The following SPOCK1 variants were observed in gnomAD, a reference collection of about 807,000 sequenced individuals.
The protein encoded by SPOCK1 is testican-1.
In SPOCK1, 23 loss-of-function variants were observed where a neutral mutation model predicts 55.3. The observed-to-expected ratio is 0.42, with a 90% CI of 0.30 to 0.59. The LOEUF is 0.59. Among genes scored for constraint, SPOCK1 ranks in the 20% least tolerant of loss-of-function variants. The probability of loss-of-function intolerance (pLI) is 0.22; values close to 1 mark genes in which losing one functional copy is unlikely to be tolerated. For missense variants in SPOCK1, 499 were observed against 552.5 expected (o/e 0.90, Z 0.97); for synonymous variants, 226 against 221.0 (o/e 1.02, Z -0.20).
At chr5:137,424,906 C>T (rs866327300) in intron 2 of SPOCK1, among the ~76,000 whole-genome samples, 3 of 152,120 alleles carry the variant, frequency 2.0e-5, no homozygotes, top group Non-Finnish European at 2.9e-5. Flanking sequence ...TATTTACATG[C>T]GTGAATACAT....
intron 3 of SPOCK1, among the ~76,000 whole-genome samples, chr5:137,249,915 T>C (rs969362692): frequency 6.6e-6 from 1 of 152,168 alleles, no homozygotes; most frequent in African/African-American, 2.4e-5. Context: ...ATGTGCGGCA[T>C]AGTATAGCAG....
chr5:137,194,487 A>C (rs1755259535), intron 3 of SPOCK1, among the ~76,000 whole-genome samples: 1 of 152,150 alleles, frequency 6.6e-6, no homozygotes. Flanking sequence ...GAAAGTGCCA[A>C]GAGCTGAGGG....
chr5:137,116,774 A>G (rs1753591702), intron 4 of SPOCK1, among the ~76,000 whole-genome samples: 3 of 151,994 alleles, frequency 2.0e-5, no homozygotes, highest in Non-Finnish European at 2.9e-5. Flanking sequence ...CAACACACAC[A>G]TGCACACTGA....
At chr5:137,245,776 CAAAAAAAAAACA>C (rs1409320126) in intron 3 of SPOCK1, among the ~76,000 whole-genome samples, 3 of 140,912 alleles carry the variant, frequency 2.1e-5, no homozygotes, top group African/African-American at 7.6e-5. Context: ...CAAAACAAAA[CAAAAAAAAAACA>C]AAAAAAAAAA....
At chr5:137,479,370 C>T (rs546659027) in intron 2 of SPOCK1, among the ~76,000 whole-genome samples, 4 of 152,298 alleles carry the variant, frequency 2.6e-5, no homozygotes, top group African/African-American at 9.6e-5. Context: ...CATATCCATC[C>T]GTCCATGAGG....
In SPOCK1 at chr5:137,067,906, T is replaced by TG. The variant is rs538365920; in HGVS notation, c.475-78dup. 1,849 of 1,199,508 alleles carry TG rather than the reference T, an allele frequency of 1.5e-3. 7 individuals are homozygous for TG. The highest frequency in any genetic ancestry group is 5.2e-3 in the Admixed American group (292 of 56,518). The allele number at this position is 1,199,508 out of a possible 1,614,324, so 74.3% of individuals were successfully genotyped here. A position where few individuals can be genotyped will look rare whatever the true frequency, so the allele number is the denominator to read the frequency against. On this transcript the variant is annotated intron_variant, in intron 5 of 10. Transcript: ENST00000394945. ...TACCCCGCCTCCTAAGAAACAGCAG[T>TG]GCCCTTTGCTTCACAAAAGCAAAGA...
intron 5 of SPOCK1, among the ~76,000 whole-genome samples, chr5:137,106,787 C>T (rs4502817): frequency 0.86 from 131,037 of 152,034 alleles, 56,622 homozygotes; most frequent in Non-Finnish European, 0.9. Context: ...ACTCTTCAGG[C>T]AAAGTCCAAA....
At chr5:137,182,809 G>A (rs1025801918) in intron 3 of SPOCK1, among the ~76,000 whole-genome samples, 2 of 152,168 alleles carry the variant, frequency 1.3e-5, no homozygotes, top group African/African-American at 4.8e-5. Flanking sequence ...ATCAGGCTAA[G>A]CTCCTAAGCT....
intron 9 of SPOCK1, 24 bp downstream of exon 9, chr5:136,985,116 T>C (rs1750813352): frequency 6.2e-7 from 1 of 1,611,896 alleles, no homozygotes; most frequent in African/African-American, 1.3e-5. Flanking sequence ...GTTGTTTAAA[T>C]GAGTGGCAAG....
chr5:137,462,330 C>A (rs1219240591), intron 2 of SPOCK1, among the ~76,000 whole-genome samples: 1 of 152,232 alleles, frequency 6.6e-6, no homozygotes, highest in African/African-American at 2.4e-5. Flanking sequence ...CAGCCAGAGC[C>A]TGGAGCTTCC....
At chr5:137,436,744 T>G (rs1192893455) in intron 2 of SPOCK1, among the ~76,000 whole-genome samples, 1 of 152,170 alleles carries the variant, frequency 6.6e-6, no homozygotes, top group Non-Finnish European at 1.5e-5. Context: ...GCAGCACATA[T>G]CTCCCTTTAT....
In SPOCK1 at chr5:137,378,390, C is replaced by T. The variant is rs192385687; in HGVS notation, c.187-111335G>A. Among the ~76,000 whole-genome samples, 8 of 152,344 alleles carry T rather than the reference C, an allele frequency of 5.3e-5. No homozygotes were observed. In the East Asian group the frequency reaches 9.6e-4, roughly 18 times the overall value. On this transcript the variant is annotated intron_variant, in intron 2 of 10. Transcript: ENST00000394945. Reference sequence around the variant, plus strand: ...TAAGAAAGAAGTGGCATTGGGGATACAGGTAGGACAGGCATAACAACTCCA... The same window carrying T: ...TAAGAAAGAAGTGGCATTGGGGATATAGGTAGGACAGGCATAACAACTCCA...
Position 137,162,085 on chromosome 5 carries a change from C to G in SPOCK1, c.233-21391G>C, listed in dbSNP as rs572618015. Reference sequence around the variant, plus strand: ...CTCCCTCCCTAGGGGTAAAAGATGCCCCTTATCAATGTACCATTCCCATTT... The same window carrying G: ...CTCCCTCCCTAGGGGTAAAAGATGCGCCTTATCAATGTACCATTCCCATTT... On this transcript the variant is annotated intron_variant, in intron 3 of 10. Transcript: ENST00000394945. 2.0e-4 allele frequency among the ~76,000 whole-genome samples: 31 copies of G among 151,816 alleles called. 1 individual carries two copies. The highest frequency in any genetic ancestry group is 3.3e-4 in the Admixed American group (5 of 15,260).
intron 10 of SPOCK1, 68 bp from the exon 11 acceptor site, chr5:136,978,912 TTTGCCTGAA>T (rs1415297886): frequency 4.1e-6 from 6 of 1,479,262 alleles, no homozygotes; most frequent in African/African-American, 2.8e-5. Context: ...CAGGGGTTCC[TTTGCCTGAA>T]TTGTAGGGTA....
intron 2 of SPOCK1, among the ~76,000 whole-genome samples, chr5:137,429,948 G>T (rs1196000144): frequency 6.6e-6 from 1 of 152,210 alleles, no homozygotes; most frequent in Non-Finnish European, 1.5e-5. Flanking sequence ...CTCCAGAGAC[G>T]TGGCTGTTCT....
chr5:137,171,867 T>C (rs1382216459), intron 3 of SPOCK1, among the ~76,000 whole-genome samples: 1 of 152,166 alleles, frequency 6.6e-6, no homozygotes, highest in Non-Finnish European at 1.5e-5. Flanking sequence ...AAACATATGT[T>C]ATATGTGTGC....
At chr5:136,981,380 T>TTCATCTTATTCA (rs1382146586) in intron 9 of SPOCK1, among the ~76,000 whole-genome samples, 1 of 152,182 alleles carries the variant, frequency 6.6e-6, no homozygotes, top group East Asian at 1.9e-4. Flanking sequence ...GTTGTCTGCT[T>TTCATCTTATTCA]TCATCTTATT....
chr5:137,258,336 ATTTAACAGG>A (rs957927523), intron 3 of SPOCK1, among the ~76,000 whole-genome samples: 1 of 152,172 alleles, frequency 6.6e-6, no homozygotes, highest in Non-Finnish European at 1.5e-5. Context: ...CAGAATGAAC[ATTTAACAGG>A]TTTCCAGCAG....
intron 3 of SPOCK1, among the ~76,000 whole-genome samples, chr5:137,241,989 C>G (rs994087153): frequency 6.6e-6 from 1 of 152,174 alleles, no homozygotes; most frequent in Admixed American, 6.5e-5. Context: ...CATTCCAGAA[C>G]TGCTTATGAT....
Sources: allele counts gnomAD v4.1 joint callset (sites outside exome capture counted in the v4.1 genomes callset), GRCh38; gene constraint gnomAD v4.1.1; transcripts MANE v1.5; gene names NCBI Gene and HGNC (gene_info 2026-07-23, HGNC 2026-07-21).